Variants in TOX2 observed in about 807,000 individuals in gnomAD.
The protein encoded by TOX2 is granulosa cell HMG box 1.
In TOX2, 15 loss-of-function variants were observed where a neutral mutation model predicts 47.4. That is an observed-to-expected ratio of 0.32 (90% CI 0.21 to 0.49). TOX2 has a LOEUF of 0.49. Among genes scored for constraint, TOX2 ranks in the 20% least tolerant of loss-of-function variants. TOX2 has a pLI of 0.99. For synonymous variants in TOX2, 290 were observed against 296.6 expected (o/e 0.98, Z 0.23); for missense variants, 622 against 673.1 (o/e 0.92, Z 0.84).
intron 2 of TOX2, among the ~76,000 whole-genome samples, chr20:43,992,472 G>T (rs773131209): frequency 2.0e-5 from 3 of 152,144 alleles, no homozygotes; most frequent in Admixed American, 2.0e-4. Flanking sequence ...TCAGCATCTC[G>T]CAATGTCTTG....
At chr20:44,045,271 T>C (rs1338881071) in intron 3 of TOX2, among the ~76,000 whole-genome samples, 1 of 152,204 alleles carries the variant, frequency 6.6e-6, no homozygotes, top group African/African-American at 2.4e-5. Flanking sequence ...ATTTTATGTG[T>C]ATTTTATCAC....
chr20:43,920,122 T>C (rs1456564009), intron 1 of TOX2, among the ~76,000 whole-genome samples: 1 of 152,232 alleles, frequency 6.6e-6, no homozygotes, highest in Non-Finnish European at 1.5e-5. Flanking sequence ...GTTGTTTGTG[T>C]ACAGGCTTTT....
Position 43,952,745 on chromosome 20 carries a change from G to A in TOX2, c.100-20622G>A, listed in dbSNP as rs564492767. On this transcript the variant is annotated intron_variant, in intron 1 of 8. Coordinates refer to ENST00000341197, the MANE Select transcript of TOX2 (RefSeq NM_001098797.2). ...GCAGTAGTAAAGTCTACCACAGCAG[G>A]TACTTCCCTCTCTGCCCTCTCCAGA... Among the ~76,000 whole-genome samples the A allele has an allele frequency of 2.0e-5, 3 of 152,280 alleles. No homozygotes were observed. The South Asian group carries it at 6.2e-4, about 32-fold the overall frequency.
chr20:44,039,709 A>C (rs2071301217), intron 3 of TOX2, among the ~76,000 whole-genome samples: 1 of 152,158 alleles, frequency 6.6e-6, no homozygotes, highest in Non-Finnish European at 1.5e-5. Flanking sequence ...AGACTTGTGG[A>C]TGTGATCCGG....
At chr20:43,946,102 G>C in intron 1 of TOX2, 1 of 1,595,056 alleles carries the variant, frequency 6.3e-7, no homozygotes, top group African/African-American at 1.3e-5. Flanking sequence ...GTGGGCTGAA[G>C]ATAGGTGATG....
At chr20:43,994,065 C>T (rs944987143) in intron 2 of TOX2, among the ~76,000 whole-genome samples, 16 of 151,952 alleles carry the variant, frequency 1.1e-4, no homozygotes, top group African/African-American at 2.2e-4. Flanking sequence ...GGTGGAAGAT[C>T]GCTTGAATCC....
rs144980123 is a variant in TOX2, at chr20:44,002,242, C to T, written c.166-4305C>T. 3.5e-4 allele frequency among the ~76,000 whole-genome samples: 54 copies of T among 152,222 alleles called. No homozygotes were observed. In the East Asian group the frequency reaches 6.6e-3, roughly 19 times the overall value. ...CCCTATACAATTCCTTGTGTGTGTC[C>T]CCCATAGTATCATAATATTCATGAC... On this transcript the variant is annotated intron_variant, in intron 2 of 8. Transcript: ENST00000341197.
chr20:44,019,961 G>A (rs2070950108), intron 3 of TOX2, among the ~76,000 whole-genome samples: 1 of 152,184 alleles, frequency 6.6e-6, no homozygotes, highest in Admixed American at 6.5e-5. Flanking sequence ...GTCTCTGGAG[G>A]GTGTGGATCA....
At chr20:43,937,629 C>T (rs1031001114) in intron 1 of TOX2, among the ~76,000 whole-genome samples, 2 of 152,028 alleles carry the variant, frequency 1.3e-5, no homozygotes, top group African/African-American at 4.8e-5. Flanking sequence ...GGAGGGTGCA[C>T]AGAGGAATGA....
rs956886471 is a variant in TOX2, at chr20:43,916,736, G to C, written c.99+1746G>C. Among the ~76,000 whole-genome samples, 3 of 152,210 alleles carry C rather than the reference G, an allele frequency of 2.0e-5. No homozygotes were observed. Among genetic ancestry groups the C allele is most frequent in the African/African-American group, 7.2e-5 (3 of 41,438 alleles). On this transcript the variant is annotated intron_variant, in intron 1 of 8. Transcript: ENST00000341197. This position sits in a 1 kb window ranked among gnomAD's most constrained non-coding sequence, Gnocchi z 5.0. The stretch of plus-strand genomic sequence containing the variant: ...AGGTAGGTACCAGCCTCTGGTTTGC[G>C]GGTGTGGGTGGGCTGGGCATTTGTG...
chr20:44,037,039 C>T (rs1208279008), intron 3 of TOX2, among the ~76,000 whole-genome samples: 1 of 152,222 alleles, frequency 6.6e-6, no homozygotes, highest in East Asian at 1.9e-4. Context: ...ATTGCAACCT[C>T]TACCTCCCGG....
chr20:44,035,594 T>C (rs1209040609), intron 3 of TOX2, among the ~76,000 whole-genome samples: 1 of 152,170 alleles, frequency 6.6e-6, no homozygotes, highest in African/African-American at 2.4e-5. Flanking sequence ...ACCCAGCATC[T>C]GCACTCAGCA....
intron 1 of TOX2, among the ~76,000 whole-genome samples, chr20:43,962,219 C>CT (rs1255951533): frequency 6.6e-6 from 1 of 152,180 alleles, no homozygotes; most frequent in Non-Finnish European, 1.5e-5. Context: ...TACAGGCCTG[C>CT]CAGGCCTCCA....
At chr20:44,062,195 T>C (rs1248911936) in intron 5 of TOX2, among the ~76,000 whole-genome samples, 1 of 152,000 alleles carries the variant, frequency 6.6e-6, no homozygotes, top group African/African-American at 2.4e-5. Context: ...CTGATGGGAT[T>C]ATCATATACC....
chr20:43,941,501 T>G (rs2069402296), intron 1 of TOX2, among the ~76,000 whole-genome samples: 1 of 151,862 alleles, frequency 6.6e-6, no homozygotes, highest in African/African-American at 2.4e-5. Context: ...CCTGGCTAAT[T>G]TTCGTATTTT....
At chr20:43,939,104 A>G (rs2069367845) in intron 1 of TOX2, among the ~76,000 whole-genome samples, 1 of 152,150 alleles carries the variant, frequency 6.6e-6, no homozygotes, top group African/African-American at 2.4e-5. Context: ...TTGGAGCCCC[A>G]GTGTCCTTAT....
At chr20:43,924,991 G>A (rs574484151) in intron 1 of TOX2, among the ~76,000 whole-genome samples, 7 of 152,110 alleles carry the variant, frequency 4.6e-5, no homozygotes, top group Admixed American at 1.3e-4. Flanking sequence ...TTTATTTCTG[G>A]AATCATTTTT....
At chr20:44,012,812 G>C (rs945589080) in intron 3 of TOX2, among the ~76,000 whole-genome samples, 1 of 152,174 alleles carries the variant, frequency 6.6e-6, no homozygotes, top group African/African-American at 2.4e-5. Context: ...CTGGCCTAAG[G>C]GGGCTCAAAT....
chr20:43,971,422 G>A (rs927558450), intron 1 of TOX2, among the ~76,000 whole-genome samples: 36 of 152,234 alleles, frequency 2.4e-4, no homozygotes, highest in Non-Finnish European at 1.5e-4. Flanking sequence ...CACAGGGGCT[G>A]GGGCTGGCAT....
Sources: gnomAD v4.1 joint callset for allele counts (sites outside exome capture counted in the v4.1 genomes callset) on GRCh38, gnomAD v4.1.1 for gene constraint, Gnocchi (gnomAD v3.1) non-coding constraint, MANE v1.5 for transcripts, NCBI Gene and HGNC (gene_info 2026-07-23, HGNC 2026-07-21) for gene names.